The following BRD3 variants were observed in gnomAD, a reference collection of about 807,000 sequenced individuals.
BRD3 encodes bromodomain-containing protein 3.
A neutral mutation model predicts 66.8 loss-of-function variants in BRD3; 17 were observed. That is an observed-to-expected ratio of 0.25 (90% CI 0.17 to 0.38). The LOEUF is 0.38. Ranked by LOEUF, BRD3 falls within the 10% of genes least tolerant of loss-of-function variation. BRD3 has a pLI of 1.00. For missense variants in BRD3, 713 were observed against 956.1 expected, an observed-to-expected ratio of 0.75 and a Z score of 3.35; for synonymous variants, 421 against 393.2, an observed-to-expected ratio of 1.07 and a Z score of -0.84.
intron 10 of BRD3, among the ~76,000 whole-genome samples, chr9:134,035,740 G>A (rs1451230372): frequency 3.9e-5 from 6 of 152,244 alleles, no homozygotes; most frequent in South Asian, 2.1e-4. Context: ...CCCCAGAGTC[G>A]CGCACTCCTT....
intron 5 of BRD3, among the ~76,000 whole-genome samples, chr9:134,049,248 A>G (rs1475130850): frequency 1.3e-5 from 2 of 152,082 alleles, no homozygotes; most frequent in Non-Finnish European, 2.9e-5. Flanking sequence ...GGGCCTCAGC[A>G]CCCAGCACCC....
At chr9:134,063,747 C>G (rs1830590796) in intron 1 of BRD3, among the ~76,000 whole-genome samples, 1 of 152,252 alleles carries the variant, frequency 6.6e-6, no homozygotes, top group African/African-American at 2.4e-5. Flanking sequence ...AGACTCCAGG[C>G]CTGGCCAGCA....
chr9:134,045,402 T>G lies in BRD3; in HGVS notation c.1106A>C (p.Glu369Ala). The change falls in exon 7 of 12, where the codon GAG becomes GCG. Residue 369 changes from glutamate (E) to alanine (A), a missense_variant. Coordinates refer to ENST00000303407, the MANE Select transcript of BRD3 (RefSeq NM_007371.4). The surrounding 1 kb of genome is among the most constrained non-coding windows in gnomAD (Gnocchi z 4.8). ...AGCAAAGCCCTGTGCGTCTGGGTAC[T>G]CTCGGCCATCCATCTTCCTCTGCAA... ...STVKRKMDGREYPDAQGFAAD... is the reference protein window; with the variant it reads ...STVKRKMDGRAYPDAQGFAAD... 1 of 1,613,568 alleles carries G rather than the reference T, an allele frequency of 6.2e-7. No homozygotes were observed.
rs1196476043 is a variant in BRD3 at position 134,051,715 on chromosome 9, G to C, written c.352-6C>G. On this transcript the variant is annotated splice_region_variant and splice_polypyrimidine_tract_variant and intron_variant, in intron 3 of 11. Transcript: ENST00000303407. ...AGCACTATGTCATCTGTGGGCTGAA[G>C]ACACAGAGAGTCCAGGTCACGTGTC... The C allele has an allele frequency of 6.3e-7, 1 of 1,590,934 alleles. No individual in the cohort carries two copies. Among genetic ancestry groups the C allele is most frequent in the African/African-American group, 1.4e-5 (1 of 73,126 alleles).
rs76676314 is a variant in BRD3, at chr9:134,052,452, G to C, written c.214-9C>G. On this transcript the variant is annotated splice_polypyrimidine_tract_variant and intron_variant, in intron 2 of 11. Coordinates refer to ENST00000303407, the MANE Select transcript of BRD3 (RefSeq NM_007371.4). ...ATTATTTTATGATAATCCTAGGAAA[G>C]AGATTTTCAGAGGCATTACCAGAAG... 6.9e-6 allele frequency: 11 copies of C among 1,594,326 alleles called. No homozygotes were observed. The South Asian group carries it at 1.2e-4, about 18-fold the overall frequency.
chr9:134,061,405 G>A (rs1161005974), intron 1 of BRD3, among the ~76,000 whole-genome samples: 1 of 152,246 alleles, frequency 6.6e-6, no homozygotes, highest in Non-Finnish European at 1.5e-5. Context: ...GCATGAGTCT[G>A]GAGGAGCAGT....
chr9:134,063,839 TC>T (rs1830592624), intron 1 of BRD3, among the ~76,000 whole-genome samples: 1 of 152,146 alleles, frequency 6.6e-6, no homozygotes, highest in African/African-American at 2.4e-5. Context: ...CTCAGAAAGA[TC>T]CAGCCGGCGA....
rs1843502795 is a variant in BRD3, at chr9:134,030,939, G to C, written c.*2651C>G. On this transcript the variant is annotated 3_prime_UTR_variant, in exon 12 of 12. Coordinates refer to ENST00000303407, the MANE Select transcript of BRD3 (RefSeq NM_007371.4). ...AGAAGCTGCCCTACAGGTCTCAGCA[G>C]TGGGACAATCTAATTGAATCACCGC... The C allele has an allele frequency of 4.3e-6, 1 of 231,496 alleles. No homozygotes were observed. Among genetic ancestry groups the C allele is most frequent in the African/African-American group, 2.2e-5 (1 of 45,248 alleles). The allele number at this position is 231,496 out of a possible 1,614,324, so 14.3% of individuals were successfully genotyped here. A position where few individuals can be genotyped will look rare whatever the true frequency, so the allele number is the denominator to read the frequency against.
intron 1 of BRD3, among the ~76,000 whole-genome samples, chr9:134,055,514 G>A (rs10993903): frequency 0.044 from 6,666 of 152,254 alleles, 391 homozygotes; most frequent in African/African-American, 0.14. Flanking sequence ...CAGCCACACG[G>A]CCTGGTCCTT....
Position 134,034,738 on chromosome 9 carries a change from G to A in BRD3, c.2028C>T (p.Ser676=), listed in dbSNP as rs769551638. 2.3e-5 allele frequency: 37 copies of A among 1,608,814 alleles called. No homozygotes were observed. Among genetic ancestry groups the A allele is most frequent in the African/African-American group, 2.7e-5 (2 of 74,940 alleles). ...KELEKRLQDV[S]GQLSSSKKPA... Reference sequence around the variant, plus strand: ...GCTTCTTGCTGCTGCTCAGCTGCCCGCTGACATCCTGCAGACGCTTTTCCA... The same window carrying A: ...GCTTCTTGCTGCTGCTCAGCTGCCCACTGACATCCTGCAGACGCTTTTCCA... Residue 676 remains serine (S), a synonymous_variant, in exon 11 of 12, where the codon AGC becomes AGT. Transcript: ENST00000303407.
At chr9:134,056,260 G>A (rs1434898250) in intron 1 of BRD3, among the ~76,000 whole-genome samples, 1 of 152,234 alleles carries the variant, frequency 6.6e-6, no homozygotes, top group Non-Finnish European at 1.5e-5. Flanking sequence ...TACAGGCCCT[G>A]AGGGTGCAGT....
At chr9:134,061,871 A>G (rs886540198) in intron 1 of BRD3, among the ~76,000 whole-genome samples, 47 of 152,242 alleles carry the variant, frequency 3.1e-4, no homozygotes, top group South Asian at 8.3e-4. Context: ...CTGTGGCAGG[A>G]GGGAGCTGAG....
rs893073088 is a variant in BRD3, at chr9:134,033,587, A to T, written c.*3T>A. ...CATCTGTCCTGTTCTGTCCGAAGCCAGTTCATTCTGAGTCACTGCTGTCAG... is the reference window on the plus strand; with the variant it reads ...CATCTGTCCTGTTCTGTCCGAAGCCTGTTCATTCTGAGTCACTGCTGTCAG... On this transcript the variant is annotated 3_prime_UTR_variant, in exon 12 of 12. Transcript: ENST00000303407. The surrounding 1 kb of genome is among the most constrained non-coding windows in gnomAD (Gnocchi z 5.1). 2 of 758,942 alleles carry T rather than the reference A, an allele frequency of 2.6e-6. No homozygotes were observed. Among genetic ancestry groups the T allele is most frequent in the Non-Finnish European group, 4.9e-6 (2 of 406,026 alleles). 47.0% of individuals were successfully genotyped at this position (758,942 alleles called of 1,614,324 possible).
Position 134,040,176 on chromosome 9 carries a change from TCTTCTTCTCCTTCTC to T in BRD3, c.1486_1500del (p.Glu496_Lys500del), listed in dbSNP as rs771963978. ...TCCTTCTCCTTCTCCTTGTCCTTCTTCTTCTTCTCCTTCTCCTTCTTCTCCTTCTTCTTCTTTGGT... is the reference window on the plus strand; with the variant it reads ...TCCTTCTCCTTCTCCTTGTCCTTCTTCTTCTTCTCCTTCTTCTTCTTTGGT... On this transcript the variant is annotated inframe_deletion, in exon 9 of 12. Coordinates refer to ENST00000303407, the MANE Select transcript of BRD3 (RefSeq NM_007371.4). 5.4e-5 allele frequency: 85 copies of T among 1,565,292 alleles called. No homozygotes were observed. Among genetic ancestry groups the T allele is most frequent in the South Asian group, 1.6e-4 (14 of 85,316 alleles).
intron 1 of BRD3, among the ~76,000 whole-genome samples, chr9:134,062,215 G>A (rs1830558163): frequency 6.6e-6 from 1 of 152,158 alleles, no homozygotes; most frequent in African/African-American, 2.4e-5. Context: ...AATCTGCCCA[G>A]TGCTGTGAGC....
chr9:134,054,950 A>G (rs1305341764), intron 1 of BRD3, among the ~76,000 whole-genome samples: 1 of 152,162 alleles, frequency 6.6e-6, no homozygotes, highest in African/African-American at 2.4e-5. Context: ...CCAGCACGAG[A>G]GAACGTGCCC....
chr9:134,050,432 G>A lies in BRD3; in HGVS notation c.656C>T (p.Pro219Leu). 6.2e-7 allele frequency: 1 copy of A among 1,612,258 alleles called. No individual in the cohort carries two copies. Among genetic ancestry groups the A allele is most frequent in the African/African-American group, 1.3e-5 (1 of 75,030 alleles). ...TSVPVPPAAA[P>L]PPPATPIVPV... The stretch of plus-strand genomic sequence containing the variant: ...GACGATGGGTGTGGCAGGAGGAGGT[G>A]GGGCGGCAGCTGGGGGGACTGGGAC... Residue 219 changes from proline to leucine, a missense_variant, in exon 5 of 12, where the codon CCA becomes CTA. Physicochemically the swap from Pro to Leu is moderately conservative, Grantham distance 98 (BLOSUM62 -3). Transcript: ENST00000303407.
chr9:134,064,215 A>G (rs1224860562), intron 1 of BRD3, among the ~76,000 whole-genome samples: 1 of 152,178 alleles, frequency 6.6e-6, no homozygotes, highest in Non-Finnish European at 1.5e-5. Context: ...TGAATGGCCC[A>G]AAGTGACACT....
At position 134,040,075 on chromosome 9, in the gene BRD3, C is replaced by A; in HGVS notation, c.1602G>T (p.Lys534Asn). 1 of 1,592,234 alleles carries A rather than the reference C, an allele frequency of 6.3e-7. No homozygotes were observed. Among genetic ancestry groups the A allele is most frequent in the East Asian group, 2.3e-5 (1 of 43,884 alleles). The part of the protein sequence containing the change: ...APPAKQAQQK[K>N]APAKKANSTT... ...TGCTGTTGGCCTTCTTGGCAGGAGC[C>A]TTCTTCTGCTGAGCCTGCTTGGCAG... Residue 534 changes from lysine (K) to asparagine (N), a missense_variant, in exon 9 of 12, where the codon AAG becomes AAT. Coordinates refer to ENST00000303407, the MANE Select transcript of BRD3 (RefSeq NM_007371.4).
Sources: gnomAD v4.1 joint callset for allele counts (sites outside exome capture counted in the v4.1 genomes callset) on GRCh38, gnomAD v4.1.1 for gene constraint, Gnocchi (gnomAD v3.1) non-coding constraint, MANE v1.5 for transcripts, NCBI Gene and HGNC (gene_info 2026-07-23, HGNC 2026-07-21) for gene names.